The following MYO18A variants were observed in gnomAD, a reference collection of about 807,000 sequenced individuals.
The protein encoded by MYO18A is unconventional myosin-XVIIIa.
Under a neutral mutation model 235.8 loss-of-function variants are expected in MYO18A, and 78 were observed. The observed-to-expected ratio is 0.33, with a 90% confidence interval of 0.28 to 0.40. The LOEUF is 0.40. MYO18A is among the 10% of genes least tolerant of loss of function. MYO18A has a pLI of 1.00. For missense variants in MYO18A, 2,215 were observed against 2,699.3 expected, an observed-to-expected ratio of 0.82 and a Z score of 3.98; for synonymous variants, 977 against 1,077.8, an observed-to-expected ratio of 0.91 and a Z score of 1.83.
intron 11 of MYO18A, among the ~76,000 whole-genome samples, chr17:29,116,156 C>T (rs893655421): frequency 6.6e-6 from 1 of 152,216 alleles, no homozygotes; most frequent in Admixed American, 6.5e-5. Flanking sequence ...AGGGCGGAGT[C>T]AGAGGATGAA....
chr17:29,173,271 T>C (rs544218883), intron 1 of MYO18A, among the ~76,000 whole-genome samples: 5 of 151,968 alleles, frequency 3.3e-5, no homozygotes, highest in African/African-American at 9.7e-5. Context: ...TTTGTATTTT[T>C]AGTAGAGACG....
chr17:29,089,943 G>T lies in MYO18A; in HGVS notation c.5526+18C>A. On this transcript the variant is annotated intron_variant, in intron 37 of 41. Transcript: ENST00000527372. Reference sequence around the variant, plus strand: ...GCTCTGCCCTGTTTGGTGTGGCCCGGGAGAAGTGTGAACCCACCTCCAGCC... The same window carrying T: ...GCTCTGCCCTGTTTGGTGTGGCCCGTGAGAAGTGTGAACCCACCTCCAGCC... 1 of 1,613,916 alleles carries T rather than the reference G, an allele frequency of 6.2e-7. No homozygotes were observed. The highest frequency in any genetic ancestry group is 8.5e-7 in the Non-Finnish European group (1 of 1,179,822).
chr17:29,150,856 A>G (rs1038410195), intron 2 of MYO18A, among the ~76,000 whole-genome samples: 1 of 152,198 alleles, frequency 6.6e-6, no homozygotes, highest in Non-Finnish European at 1.5e-5. Flanking sequence ...CCAAAACTGT[A>G]GCTCTTATTG....
At chr17:29,090,295 A>G in intron 36 of MYO18A, 197 bp from the exon 37 acceptor site, 1 of 700,922 alleles carries the variant, frequency 1.4e-6, no homozygotes. Context: ...TGCCCTTCAG[A>G]GAGAAAGGAG....
intron 1 of MYO18A, among the ~76,000 whole-genome samples, chr17:29,170,650 C>T (rs1342857360): frequency 6.6e-6 from 1 of 152,180 alleles, no homozygotes; most frequent in African/African-American, 2.4e-5. Flanking sequence ...AGAAGTTTTT[C>T]CTAATTTTAA....
chr17:29,110,721 T>C (rs1358719278), intron 17 of MYO18A, 99 bp from the exon 18 acceptor site: 10 of 1,236,550 alleles, frequency 8.1e-6, no homozygotes, highest in Admixed American at 2.7e-5. Flanking sequence ...AACAGTCCCA[T>C]TCAGCCACGT....
Position 29,109,117 on chromosome 17 carries a change from A to C in MYO18A, c.3331+741T>G, listed in dbSNP as rs2066865540. On this transcript the variant is annotated intron_variant, in intron 19 of 41. Coordinates refer to ENST00000527372, the MANE Select transcript of MYO18A (RefSeq NM_078471.4). The surrounding 1 kb of genome is among the most constrained non-coding windows in gnomAD (Gnocchi z 4.1). The stretch of plus-strand genomic sequence containing the variant: ...TGCTCTTCTAGTGAAGGAGAAAAAC[A>C]GCAGAAACCCAGCAACTCATAACTT... Among the ~76,000 whole-genome samples, 1 of 151,802 alleles carries C rather than the reference A, an allele frequency of 6.6e-6. No individual in the cohort carries two copies. The highest frequency in any genetic ancestry group is 1.5e-5 in the Non-Finnish European group (1 of 67,962).
chr17:29,098,293 A>G, intron 24 of MYO18A, 63 bp downstream of exon 24: 1 of 1,611,584 alleles, frequency 6.2e-7, no homozygotes. Flanking sequence ...CACCTGGGGG[A>G]CCTGCAGGGG....
In MYO18A at chr17:29,097,773, G is replaced by A; in HGVS notation, c.4102+15C>T. The A allele has an allele frequency of 6.2e-7, 1 of 1,604,236 alleles. No homozygotes were observed. The highest frequency in any genetic ancestry group is 8.5e-7 in the Non-Finnish European group (1 of 1,174,642). On this transcript the variant is annotated intron_variant, in intron 26 of 41. Transcript: ENST00000527372. ...ATTGCGGGCCACTGCCGAGCTCCTT[G>A]GGCCTCAGGCCCACCTGCATCATCA...
chr17:29,080,841 C>A, intron 41 of MYO18A: 2 of 985,448 alleles, frequency 2.0e-6, no homozygotes, highest in Non-Finnish European at 2.4e-6. Context: ...TCCTAGGGGG[C>A]CTCTCAGGGG....
intron 2 of MYO18A, among the ~76,000 whole-genome samples, chr17:29,163,037 C>T (rs1408875641): frequency 6.6e-6 from 1 of 152,208 alleles, no homozygotes; most frequent in Admixed American, 6.5e-5. Flanking sequence ...TAGTCAGCTC[C>T]CTCAGAGCTC....
intron 2 of MYO18A, among the ~76,000 whole-genome samples, chr17:29,134,415 C>T (rs2067545415): frequency 6.6e-6 from 1 of 152,132 alleles, no homozygotes; most frequent in Non-Finnish European, 1.5e-5. Context: ...GCCACTTCGC[C>T]TCTTTGGGCC....
intron 19 of MYO18A, among the ~76,000 whole-genome samples, chr17:29,107,943 A>G (rs2066833353): frequency 1.3e-5 from 2 of 150,538 alleles, no homozygotes; most frequent in Non-Finnish European, 3.0e-5. Context: ...AAGGCACCAG[A>G]GAGTAGCTGA....
intron 2 of MYO18A, among the ~76,000 whole-genome samples, chr17:29,138,229 C>T (rs1444386977): frequency 6.6e-6 from 1 of 152,190 alleles, no homozygotes; most frequent in Non-Finnish European, 1.5e-5. Context: ...AGCATCCACA[C>T]CAGACATCTG....
intron 37 of MYO18A, among the ~76,000 whole-genome samples, chr17:29,088,245 A>G (rs144975552): frequency 0.035 from 5,280 of 151,616 alleles, 120 homozygotes; most frequent in African/African-American, 0.059. Flanking sequence ...TAGTAGAGAC[A>G]GGGTTTCACC....
intron 21 of MYO18A, among the ~76,000 whole-genome samples, chr17:29,103,103 A>C (rs990710995): frequency 6.6e-6 from 1 of 152,240 alleles, no homozygotes; most frequent in African/African-American, 2.4e-5. Context: ...ATGGCGTTCC[A>C]TTCAGATGAG....
intron 2 of MYO18A, among the ~76,000 whole-genome samples, chr17:29,154,849 A>G (rs1039593958): frequency 5.3e-5 from 8 of 152,222 alleles, no homozygotes; most frequent in Admixed American, 3.3e-4. Context: ...TGCTTCTGCA[A>G]TCAGCTCCAC....
At chr17:29,094,391 TG>T (rs1324703429) in intron 30 of MYO18A, 1 of 603,178 alleles carries the variant, frequency 1.7e-6, no homozygotes, top group Non-Finnish European at 2.9e-6. Context: ...GGTGGGCCTG[TG>T]GCCCTCAGCT....
At chr17:29,148,057 C>T (rs892930195) in intron 2 of MYO18A, among the ~76,000 whole-genome samples, 5 of 151,394 alleles carry the variant, frequency 3.3e-5, no homozygotes, top group Admixed American at 2.0e-4. Flanking sequence ...TGGGCACAAG[C>T]GGGTCTGGGT....
Sources: gnomAD v4.1 joint callset for allele counts (sites outside exome capture counted in the v4.1 genomes callset) on GRCh38, gnomAD v4.1.1 for gene constraint, Gnocchi (gnomAD v3.1) non-coding constraint, MANE v1.5 for transcripts, NCBI Gene and HGNC (gene_info 2026-07-23, HGNC 2026-07-21) for gene names.